Variants in MCTP1 observed in about 807,000 individuals in gnomAD.
MCTP1 encodes multiple C2 and transmembrane domain-containing protein 1.
Under a neutral mutation model 120.6 loss-of-function variants are expected in MCTP1, and 69 were observed. The observed-to-expected ratio is 0.57, with a 90% CI of 0.47 to 0.70. The LOEUF (loss-of-function observed/expected upper bound fraction) is 0.70. MCTP1 is among the 30% of genes least tolerant of loss of function. The pLI is 0.00. For missense variants in MCTP1, 1,203 were observed against 1,248.8 expected (o/e 0.96, Z 0.55); for synonymous variants, 529 against 493.1 (o/e 1.07, Z -0.96).
chr5:94,979,062 A>G (rs974464997), intron 2 of MCTP1: 3 of 152,040 alleles, frequency 2.0e-5, no homozygotes, highest in African/African-American at 4.8e-5. Flanking sequence ...AGACATGGCC[A>G]TAGAGGACAA....
At chr5:95,264,853 G>A (rs1347639663) in intron 1 of MCTP1, among the ~76,000 whole-genome samples, 4 of 152,142 alleles carry the variant, frequency 2.6e-5, no homozygotes, top group Admixed American at 6.5e-5. Context: ...TGTCCAAAGC[G>A]AAGCAATTCT....
chr5:95,223,716 C>T (rs545102448), intron 1 of MCTP1, among the ~76,000 whole-genome samples: 9 of 152,102 alleles, frequency 5.9e-5, no homozygotes, highest in Non-Finnish European at 1.0e-4. Flanking sequence ...AAATAACTAG[C>T]GGACTCAAAG....
rs145757614 is a variant in MCTP1, at chr5:95,020,545, T to C, written c.721-3061A>G. On this transcript the variant is annotated intron_variant, in intron 1 of 22. Transcript: ENST00000515393. ...TTGCAAATATTTCCTCCCAGTGTCA[T>C]CTTGTTTCTTTGATCTTTGTAGATG... Among the ~76,000 whole-genome samples, 845 of 152,164 alleles carry C rather than the reference T, an allele frequency of 5.6e-3. 7 individuals carry two copies. The highest frequency in any genetic ancestry group is 0.019 in the African/African-American group (797 of 41,562).
intron 18 of MCTP1, among the ~76,000 whole-genome samples, chr5:94,789,886 A>T (rs1028917093): frequency 6.6e-6 from 1 of 152,228 alleles, no homozygotes; most frequent in South Asian, 2.1e-4. Context: ...CATAAAAATT[A>T]GATAATTTTT....
intron 19 of MCTP1, among the ~76,000 whole-genome samples, chr5:94,723,533 T>C (rs974352660): frequency 2.0e-5 from 3 of 151,360 alleles, no homozygotes; most frequent in Admixed American, 6.6e-5. Flanking sequence ...AGATTTTTTT[T>C]CCCTTCTGCT....
At chr5:95,225,064 A>G (rs1754106682) in intron 1 of MCTP1, among the ~76,000 whole-genome samples, 1 of 151,992 alleles carries the variant, frequency 6.6e-6, no homozygotes, top group South Asian at 2.1e-4. Context: ...AACCACAGAG[A>G]TTTTTTTTCT....
intron 17 of MCTP1, among the ~76,000 whole-genome samples, chr5:94,840,820 G>A (rs159601): frequency 0.88 from 133,206 of 152,180 alleles, 58,602 homozygotes; most frequent in East Asian, 0.98. Context: ...TAAAGGTGGT[G>A]TTGCTATCTG....
chr5:94,796,612 A>ATAATATATATAATATATATTATATATG (rs1780092988), intron 18 of MCTP1, among the ~76,000 whole-genome samples: 5 of 93,392 alleles, frequency 5.4e-5, no homozygotes, highest in Admixed American at 3.8e-4. Context: ...TATAATATAT[A>ATAATATATATAATATATATTATATATG]TAATATATAT....
intron 1 of MCTP1, among the ~76,000 whole-genome samples, chr5:95,214,853 C>A (rs778387452): frequency 9.3e-6 from 1 of 107,438 alleles, no homozygotes; most frequent in East Asian, 2.7e-4. Context: ...CATCACACAC[C>A]GGGGACTGTT....
At chr5:95,079,491 G>A (rs1265255232) in intron 1 of MCTP1, among the ~76,000 whole-genome samples, 1 of 152,030 alleles carries the variant, frequency 6.6e-6, no homozygotes, top group Admixed American at 6.5e-5. Flanking sequence ...TTTATATTTA[G>A]CAAAAATTTT....
intron 2 of MCTP1, among the ~76,000 whole-genome samples, chr5:94,969,190 T>G (rs1200099045): frequency 6.6e-6 from 1 of 152,118 alleles, no homozygotes; most frequent in Non-Finnish European, 1.5e-5. Context: ...TAATGCTATA[T>G]TTATTTATTT....
chr5:94,941,748 T>C (rs1817773148), intron 4 of MCTP1, among the ~76,000 whole-genome samples: 1 of 152,018 alleles, frequency 6.6e-6, no homozygotes, highest in South Asian at 2.1e-4. Flanking sequence ...TTGAAAAATA[T>C]AAGCCCATTA....
intron 17 of MCTP1, among the ~76,000 whole-genome samples, chr5:94,833,543 A>G (rs1041596242): frequency 1.3e-5 from 2 of 152,214 alleles, no homozygotes; most frequent in African/African-American, 4.8e-5. Flanking sequence ...TTAATGGAAA[A>G]AACAAATTTG....
intron 1 of MCTP1, among the ~76,000 whole-genome samples, chr5:95,090,353 C>G (rs1755750624): frequency 6.6e-6 from 1 of 152,168 alleles, no homozygotes; most frequent in Admixed American, 6.5e-5. Context: ...GTCAGCAAAT[C>G]AATTAGCTAT....
At chr5:95,128,231 C>T (rs1434995732) in intron 1 of MCTP1, among the ~76,000 whole-genome samples, 1 of 152,176 alleles carries the variant, frequency 6.6e-6, no homozygotes, top group Non-Finnish European at 1.5e-5. Flanking sequence ...GCCCAAACCA[C>T]AAGAAGAGAT....
At chr5:95,012,213 T>C (rs1836139272) in intron 2 of MCTP1, among the ~76,000 whole-genome samples, 1 of 152,128 alleles carries the variant, frequency 6.6e-6, no homozygotes, top group African/African-American at 2.4e-5. Context: ...GACACCTGTT[T>C]AGCACCACAG....
At position 95,028,883 on chromosome 5, in the gene MCTP1, C is replaced by T. The variant is rs145950382; in HGVS notation, c.721-11399G>A. ...TGATTATGAGATAAAATATGTAGGC[C>T]GGGCACGGTGGCTCACGCCTGTAAT... On this transcript the variant is annotated intron_variant, in intron 1 of 22. Coordinates refer to ENST00000515393, the MANE Select transcript of MCTP1 (RefSeq NM_024717.7). Among the ~76,000 whole-genome samples, 175 of 152,204 alleles carry T rather than the reference C, an allele frequency of 1.1e-3. 1 individual carries two copies. In the East Asian group the frequency reaches 0.021, roughly 18 times the overall value.
chr5:95,015,586 C>T (rs1836937813), intron 2 of MCTP1, among the ~76,000 whole-genome samples: 1 of 152,120 alleles, frequency 6.6e-6, no homozygotes, highest in South Asian at 2.1e-4. Flanking sequence ...AGACAACACA[C>T]AAATTCTTAT....
chr5:95,160,788 C>A (rs1477929276), intron 1 of MCTP1, among the ~76,000 whole-genome samples: 1 of 151,872 alleles, frequency 6.6e-6, no homozygotes, highest in Non-Finnish European at 1.5e-5. Context: ...AAATAATGAG[C>A]AAAGGACCTA....
Sources: allele counts gnomAD v4.1 joint callset (sites outside exome capture counted in the v4.1 genomes callset), GRCh38; gene constraint gnomAD v4.1.1; transcripts MANE v1.5; gene names NCBI Gene and HGNC (gene_info 2026-07-23, HGNC 2026-07-21).